GRM7: variants seen among roughly 807,000 people sequenced by gnomAD.
GRM7 encodes the protein glutamate metabotropic receptor 7, also known as metabotropic glutamate receptor 7.
Under a neutral mutation model 84.5 loss-of-function variants are expected in GRM7, and 35 were observed. The ratio of observed to expected loss-of-function variants is 0.41; its 90% CI spans 0.32 to 0.55. GRM7 has a LOEUF of 0.55. GRM7 is among the 20% of genes least tolerant of loss of function. The pLI, the probability that GRM7 is intolerant of heterozygous loss-of-function variation, is 0.19. For missense variants in GRM7, 1,003 were observed against 1,194.6 expected (o/e 0.84, Z 2.36); for synonymous variants, 487 against 455.1 (o/e 1.07, Z -0.89).
At chr3:7,000,215 A>G (rs1324722338) in intron 1 of GRM7, among the ~76,000 whole-genome samples, 1 of 137,594 alleles carries the variant, frequency 7.3e-6, no homozygotes, top group Non-Finnish European at 1.5e-5. Context: ...TCTGTCACCC[A>G]GGCTGGAGTT....
At chr3:6,997,205 T>C (rs1380388910) in intron 1 of GRM7, among the ~76,000 whole-genome samples, 1 of 152,184 alleles carries the variant, frequency 6.6e-6, no homozygotes, top group Non-Finnish European at 1.5e-5. Flanking sequence ...ATAATTAATA[T>C]TTTCTTGGTC....
intron 7 of GRM7, among the ~76,000 whole-genome samples, chr3:7,500,674 C>T (rs958383780): frequency 1.3e-5 from 2 of 152,220 alleles, no homozygotes; most frequent in African/African-American, 4.8e-5. Context: ...CACTCACATC[C>T]CTCAGCCCCT....
At chr3:7,146,899 T>C (rs931565898) in intron 2 of GRM7, among the ~76,000 whole-genome samples, 9 of 152,084 alleles carry the variant, frequency 5.9e-5, no homozygotes, top group East Asian at 3.9e-4. Context: ...AAAAAAAATA[T>C]GTACTAAAGT....
At chr3:7,660,099 A>G (rs536868138) in intron 8 of GRM7, among the ~76,000 whole-genome samples, 2 of 152,378 alleles carry the variant, frequency 1.3e-5, no homozygotes, top group East Asian at 3.9e-4. Context: ...ATAAAACCTT[A>G]TGGTTTAACT....
rs575884153 is a variant in GRM7, at chr3:6,945,545, C to G, written c.519+83638C>G. Among the ~76,000 whole-genome samples the G allele has an allele frequency of 4.8e-3, 725 of 152,110 alleles. 4 individuals carry two copies. Among genetic ancestry groups the G allele is most frequent in the Middle Eastern group, 0.017 (5 of 292 alleles). ...CATACATGTGCATGTGTCTTTATAG[C>G]AGCATGATTTATAATCCTTTGGGTA... On this transcript the variant is annotated intron_variant, in intron 1 of 9. Coordinates refer to ENST00000357716, the MANE Select transcript of GRM7 (RefSeq NM_000844.4).
At chr3:7,103,822 C>CTCTCTCTCTG (rs1699205115) in intron 1 of GRM7, among the ~76,000 whole-genome samples, 1 of 127,782 alleles carries the variant, frequency 7.8e-6, no homozygotes, top group African/African-American at 3.8e-5. Flanking sequence ...TTCTTTCTCT[C>CTCTCTCTCTG]TCTCTCTGTC....
chr3:7,584,447 G>A (rs999411081), intron 8 of GRM7, among the ~76,000 whole-genome samples: 1 of 152,162 alleles, frequency 6.6e-6, no homozygotes, highest in Non-Finnish European at 1.5e-5. Flanking sequence ...CTCTCATTTT[G>A]TAGGGCTGGA....
intron 2 of GRM7, among the ~76,000 whole-genome samples, chr3:7,237,907 G>A (rs781555261): frequency 1.3e-5 from 2 of 152,006 alleles, no homozygotes; most frequent in African/African-American, 4.8e-5. Context: ...GCTGATTGGT[G>A]CGTTTTTACA....
rs182551767 is a variant in GRM7 at position 7,377,957 on chromosome 3, A to T, written c.1034-37066A>T. On this transcript the variant is annotated intron_variant, in intron 4 of 9. Transcript: ENST00000357716. ...AGCTGACACGGTGGTTCTCAGTCAC[A>T]TGGAACTTCTGTGCCTTTCATTTCC... 6.6e-5 allele frequency among the ~76,000 whole-genome samples: 10 copies of T among 152,302 alleles called. No homozygotes were observed. The South Asian group carries it at 2.1e-3, about 32-fold the overall frequency.
intron 1 of GRM7, among the ~76,000 whole-genome samples, chr3:7,138,520 C>A (rs569621040): frequency 1.3e-5 from 2 of 151,568 alleles, no homozygotes; most frequent in African/African-American, 4.8e-5. Flanking sequence ...TTTATTTAAG[C>A]AAAGAAGAGT....
At chr3:7,054,944 G>A (rs1055844659) in intron 1 of GRM7, among the ~76,000 whole-genome samples, 3 of 151,936 alleles carry the variant, frequency 2.0e-5, no homozygotes, top group Non-Finnish European at 4.4e-5. Context: ...GTGAGCTGGG[G>A]AATTGCAAGG....
chr3:7,443,692 G>T (rs1477797224), intron 5 of GRM7, among the ~76,000 whole-genome samples: 2 of 152,018 alleles, frequency 1.3e-5, no homozygotes, highest in African/African-American at 4.8e-5. Flanking sequence ...TTATGTATTT[G>T]ACAGAATTTC....
chr3:7,022,042 T>C (rs1695794398), intron 1 of GRM7, among the ~76,000 whole-genome samples: 1 of 152,056 alleles, frequency 6.6e-6, no homozygotes, highest in Non-Finnish European at 1.5e-5. Flanking sequence ...ATATATGCAC[T>C]CTAGGCCGGG....
chr3:6,964,145 A>G (rs1360511691), intron 1 of GRM7, among the ~76,000 whole-genome samples: 1 of 152,170 alleles, frequency 6.6e-6, no homozygotes, highest in Admixed American at 6.5e-5. Flanking sequence ...ATAGCTTTTG[A>G]CGCTGTTAAA....
intron 1 of GRM7, among the ~76,000 whole-genome samples, chr3:6,945,539 T>A (rs1358570201): frequency 6.6e-6 from 1 of 152,130 alleles, no homozygotes; most frequent in Non-Finnish European, 1.5e-5. Flanking sequence ...GCATGTGTCT[T>A]TATAGCAGCA....
chr3:7,736,245 A>G (rs1702495350), intron 9 of GRM7, among the ~76,000 whole-genome samples: 1 of 152,190 alleles, frequency 6.6e-6, no homozygotes, highest in South Asian at 2.1e-4. Flanking sequence ...CATAAGTTAA[A>G]AAAATTTAGA....
intron 1 of GRM7, among the ~76,000 whole-genome samples, chr3:7,141,556 T>G (rs1254811005): frequency 6.6e-6 from 1 of 152,056 alleles, no homozygotes; most frequent in East Asian, 1.9e-4. Context: ...TTAATGGAAT[T>G]TTATTGTTAA....
At chr3:7,222,833 G>T (rs1559510674) in intron 2 of GRM7, among the ~76,000 whole-genome samples, 3 of 152,140 alleles carry the variant, frequency 2.0e-5, no homozygotes, top group African/African-American at 7.2e-5. Flanking sequence ...GAATAATTGT[G>T]TCTTTAAATT....
intron 8 of GRM7, among the ~76,000 whole-genome samples, chr3:7,593,194 C>T (rs897193991): frequency 7.9e-5 from 12 of 152,146 alleles, no homozygotes; most frequent in African/African-American, 2.4e-4. Context: ...CTTTTGGTAT[C>T]GTTAAAGTAC....
Sources: allele counts gnomAD v4.1 joint callset (sites outside exome capture counted in the v4.1 genomes callset), GRCh38; gene constraint gnomAD v4.1.1; transcripts MANE v1.5; gene names NCBI Gene and HGNC (gene_info 2026-07-23, HGNC 2026-07-21).